Variants in SUCLG1 observed in about 807,000 individuals in gnomAD.
The protein encoded by SUCLG1 is succinate--CoA ligase [ADP/GDP-forming] subunit alpha, mitochondrial.
In SUCLG1, 26 loss-of-function variants were observed where a neutral mutation model predicts 37.3. The ratio of observed to expected loss-of-function variants is 0.70; its 90% CI spans 0.51 to 0.97. The LOEUF (loss-of-function observed/expected upper bound fraction) is 0.97. Among genes scored for constraint, SUCLG1 ranks in the 50% least tolerant of loss-of-function variants. The pLI is 0.00. For missense variants in SUCLG1, 433 were observed against 432.9 expected (o/e 1.00, Z 0.00); for synonymous variants, 163 against 155.6 (o/e 1.05, Z -0.36).
chr2:84,444,026 G>A (rs1370825984), intron 2 of SUCLG1, among the ~76,000 whole-genome samples: 1 of 152,116 alleles, frequency 6.6e-6, no homozygotes, highest in Non-Finnish European at 1.5e-5. Flanking sequence ...TGCCTAGTGG[G>A]ACATTTAGCA....
chr2:84,423,835 C>T, intron 8 of SUCLG1, 63 bp from the exon 9 acceptor site: 1 of 1,504,298 alleles, frequency 6.6e-7, no homozygotes, highest in Non-Finnish European at 9.1e-7. Flanking sequence ...ATCCAAATCA[C>T]ATTTAGGATC....
intron 5 of SUCLG1, among the ~76,000 whole-genome samples, chr2:84,434,338 T>C (rs1672653082): frequency 6.6e-6 from 1 of 152,172 alleles, no homozygotes; most frequent in South Asian, 2.1e-4. Context: ...TTAAAATCAA[T>C]ATAAAGAAAA....
chr2:84,432,113 AC>A (rs774563265), intron 6 of SUCLG1, among the ~76,000 whole-genome samples: 39 of 152,318 alleles, frequency 2.6e-4, no homozygotes, highest in Admixed American at 6.5e-4. Context: ...CAGATAAATC[AC>A]CCACAAGTTT....
At chr2:84,425,730 A>G (rs1672528127) in intron 7 of SUCLG1, 127 bp from the exon 8 acceptor site, 5 of 1,013,672 alleles carry the variant, frequency 4.9e-6, no homozygotes, top group Non-Finnish European at 7.7e-6. Context: ...TCATCTTAGG[A>G]AAACCAACAC....
intron 1 of SUCLG1, among the ~76,000 whole-genome samples, chr2:84,453,717 G>T (rs1015255072): frequency 1.3e-5 from 2 of 152,162 alleles, no homozygotes; most frequent in Non-Finnish European, 2.9e-5. Context: ...ATGCCCAGCC[G>T]AAAATAAGTA....
chr2:84,428,820 G>A (rs1014430292), intron 7 of SUCLG1, among the ~76,000 whole-genome samples: 2 of 152,182 alleles, frequency 1.3e-5, no homozygotes, highest in African/African-American at 4.8e-5. Flanking sequence ...CAGGATTGAT[G>A]ACTCTTTGTC....
intron 1 of SUCLG1, among the ~76,000 whole-genome samples, chr2:84,456,999 G>A (rs970228516): frequency 3.3e-5 from 5 of 152,060 alleles, no homozygotes; most frequent in African/African-American, 7.3e-5. Flanking sequence ...ACAGGGCTCC[G>A]GAAGGCATCT....
At chr2:84,450,641 A>G (rs941335561) in intron 1 of SUCLG1, among the ~76,000 whole-genome samples, 3 of 152,102 alleles carry the variant, frequency 2.0e-5, no homozygotes, top group Non-Finnish European at 4.4e-5. Context: ...TCTACCTATC[A>G]TTGTGGTAGC....
chr2:84,428,278 T>A (rs1378945279), intron 7 of SUCLG1, among the ~76,000 whole-genome samples: 1 of 125,420 alleles, frequency 8.0e-6, no homozygotes, highest in African/African-American at 3.0e-5. Context: ...TCAGTGACCC[T>A]GTTGTGCCTT....
chr2:84,456,245 T>G (rs1424136609), intron 1 of SUCLG1, among the ~76,000 whole-genome samples: 1 of 151,932 alleles, frequency 6.6e-6, no homozygotes, highest in Non-Finnish European at 1.5e-5. Context: ...CAAAAAAAAA[T>G]CAGAGCTTCG....
At chr2:84,425,874 C>T (rs1185048790) in intron 7 of SUCLG1, 1 of 467,644 alleles carries the variant, frequency 2.1e-6, no homozygotes, top group Non-Finnish European at 3.9e-6. Context: ...ACACATGACG[C>T]TATCATTTGA....
At chr2:84,431,170 G>T (rs562277698) in intron 7 of SUCLG1, among the ~76,000 whole-genome samples, 1 of 152,102 alleles carries the variant, frequency 6.6e-6, no homozygotes, top group Non-Finnish European at 1.5e-5. Context: ...CTCTGAGATC[G>T]GGAGAAAGAA....
chr2:84,433,404 A>AT lies in SUCLG1; in HGVS notation c.620dup (p.Tyr207Ter). 4 of 1,613,974 alleles carry AT rather than the reference A, an allele frequency of 2.5e-6. No individual in the cohort carries two copies. The highest frequency in any genetic ancestry group is 3.4e-6 in the Non-Finnish European group (4 of 1,179,884). ...CTTGCGTTGTTTGGTGAACTGCTTC[A>AT]TAAGTCAGGGTGCCAGATCTGGACA... Reference protein sequence around the residue: ...GIVSRSGTLTYEAVHQTTQVG... With the variant: ...GIVSRSGTLT Residue 207 changes from tyrosine (Y) to a stop codon, truncating the protein, a stop_gained and frameshift_variant, in exon 6 of 9, where the codon TAT becomes TAAT. Coordinates refer to ENST00000393868, the MANE Select transcript of SUCLG1 (RefSeq NM_003849.4). LOFTEE classifies it high-confidence loss of function.
intron 3 of SUCLG1, 184 bp downstream of exon 3, chr2:84,443,100 C>A (rs1316845453): frequency 1.5e-6 from 1 of 650,394 alleles, no homozygotes; most frequent in Non-Finnish European, 2.8e-6. Context: ...CCCTTAATAG[C>A]TGATTCATAC....
intron 5 of SUCLG1, among the ~76,000 whole-genome samples, chr2:84,437,842 A>G (rs1350176096): frequency 1.3e-5 from 2 of 152,252 alleles, no homozygotes; most frequent in African/African-American, 4.8e-5. Context: ...ATGGTTAAAC[A>G]AACTGAAGTA....
intron 8 of SUCLG1, among the ~76,000 whole-genome samples, chr2:84,425,206 AG>A (rs1481923672): frequency 1.3e-5 from 2 of 152,282 alleles, no homozygotes; most frequent in Non-Finnish European, 2.9e-5. Flanking sequence ...CAATGTTTAA[AG>A]AAGAAAGCTT....
chr2:84,441,413 G>A lies in SUCLG1; in HGVS notation c.365C>T (p.Pro122Leu), dbSNP rs201717664. 1.2e-4 allele frequency: 190 copies of A among 1,613,982 alleles called. No individual in the cohort carries two copies. Among genetic ancestry groups the A allele is most frequent in the Middle Eastern group, 1.6e-4 (1 of 6,084 alleles). The stretch of plus-strand genomic sequence containing the variant: ...ATTAATGGCAGCAGCAGCAAAAGGC[G>A]GAGGAACATAAATGACAGAAGCCGT... ...GATASVIYVP[P>L]PFAAAAINEA... Residue 122 changes from proline to leucine, a missense_variant, in exon 4 of 9, where the codon CCG (proline) becomes CTG (leucine). Pro to Leu is a moderately conservative substitution (Grantham distance 98). Transcript: ENST00000393868.
intron 2 of SUCLG1, among the ~76,000 whole-genome samples, chr2:84,448,189 AAC>A (rs1456996128): frequency 5.2e-4 from 71 of 137,716 alleles, no homozygotes; most frequent in Non-Finnish European, 7.7e-4. Flanking sequence ...AAAAACAAAA[AAC>A]AAAAAACAAA....
intron 7 of SUCLG1, among the ~76,000 whole-genome samples, chr2:84,428,976 TAAAG>T (rs1200589645): frequency 6.6e-6 from 1 of 152,140 alleles, no homozygotes; most frequent in Non-Finnish European, 1.5e-5. Flanking sequence ...TTCTCATTCA[TAAAG>T]AAAGAACAAA....
Sources: gnomAD v4.1 joint callset for allele counts (sites outside exome capture counted in the v4.1 genomes callset) on GRCh38, gnomAD v4.1.1 for gene constraint, MANE v1.5 for transcripts, NCBI Gene and HGNC (gene_info 2026-07-23, HGNC 2026-07-21) for gene names.